The following HYCC1 variants were observed in gnomAD, a reference collection of about 807,000 sequenced individuals.
The protein encoded by HYCC1 is hyccin PI4KA lipid kinase complex subunit 1.
At chr7:22,921,123 G>C in the HYCC1 span, among the ~76,000 whole-genome samples, 8 of 152,134 alleles carry the variant, frequency 5.3e-5, no homozygotes, top group East Asian at 1.4e-3. Context: ...CCAGCCTCAG[G>C]TATTTCTTTA....
chr7:22,962,121 G>C, the HYCC1 span, among the ~76,000 whole-genome samples: 10 of 152,098 alleles, frequency 6.6e-5, no homozygotes, highest in South Asian at 4.1e-4. Flanking sequence ...TCAAAGAGCC[G>C]AGGTAACAAG....
chr7:22,907,827 G>A, the HYCC1 span, among the ~76,000 whole-genome samples: 4 of 152,152 alleles, frequency 2.6e-5, no homozygotes, highest in South Asian at 4.1e-4. Flanking sequence ...CAGGAGAATC[G>A]CTTGAACCCG....
the HYCC1 span, among the ~76,000 whole-genome samples, chr7:23,001,096 A>G: frequency 7.2e-5 from 11 of 152,172 alleles, no homozygotes; most frequent in South Asian, 2.1e-4. Context: ...AAAACACTCA[A>G]TGTGACCAAA....
the HYCC1 span, among the ~76,000 whole-genome samples, chr7:22,957,219 AT>A: frequency 6.6e-6 from 1 of 151,700 alleles, no homozygotes. Context: ...CTGTGTAATA[AT>A]TTTTGGTGAC....
At chr7:23,013,935 G>T in the HYCC1 span, 2 of 469,924 alleles carry the variant, frequency 4.3e-6, no homozygotes, top group Non-Finnish European at 8.8e-6. Flanking sequence ...CAGGGCGGCT[G>T]CCGGAGCTCC....
chr7:22,981,492 T>C, the HYCC1 span, among the ~76,000 whole-genome samples: 2 of 152,158 alleles, frequency 1.3e-5, no homozygotes, highest in Admixed American at 1.3e-4. Flanking sequence ...ACTGTTATAT[T>C]TTAGAAGCAC....
the HYCC1 span, among the ~76,000 whole-genome samples, chr7:23,003,058 C>G: frequency 6.6e-6 from 1 of 152,106 alleles, no homozygotes; most frequent in South Asian, 2.1e-4. Flanking sequence ...AACTTAACTG[C>G]CTCTCTAAAG....
the HYCC1 span, among the ~76,000 whole-genome samples, chr7:22,975,115 T>C: frequency 6.6e-6 from 1 of 152,188 alleles, no homozygotes; most frequent in Admixed American, 6.5e-5. Context: ...TCTAAATAAA[T>C]TCCTCAAATA....
chr7:22,961,190 G>C, the HYCC1 span: 1 of 1,265,356 alleles, frequency 7.9e-7, no homozygotes. Flanking sequence ...TCTAAATTGA[G>C]AAATCTTAAA....
chr7:22,969,793 G>C, the HYCC1 span, among the ~76,000 whole-genome samples: 1 of 152,086 alleles, frequency 6.6e-6, no homozygotes, highest in Non-Finnish European at 1.5e-5. Flanking sequence ...CAAAGTTCTA[G>C]GATTACAGGT....
chr7:22,907,089 A>G, the HYCC1 span, among the ~76,000 whole-genome samples: 133 of 120,614 alleles, frequency 1.1e-3, 1 homozygote, highest in African/African-American at 4.2e-3. Flanking sequence ...TGGGTGACAG[A>G]GTGAGACTCT....
the HYCC1 span, among the ~76,000 whole-genome samples, chr7:22,967,501 AT>A: frequency 6.6e-6 from 1 of 152,236 alleles, no homozygotes; most frequent in African/African-American, 2.4e-5. Flanking sequence ...TGAATATCTT[AT>A]AACCTGCTAG....
At chr7:23,000,505 A>G in the HYCC1 span, among the ~76,000 whole-genome samples, 2 of 152,298 alleles carry the variant, frequency 1.3e-5, no homozygotes, top group African/African-American at 4.8e-5. Flanking sequence ...TGATTTTAAC[A>G]TAAAAATACA....
chr7:22,961,871 G>A, the HYCC1 span, among the ~76,000 whole-genome samples: 1 of 151,932 alleles, frequency 6.6e-6, no homozygotes, highest in Non-Finnish European at 1.5e-5. Context: ...GTGTGTGTGT[G>A]CATGTGTGAG....
chr7:22,916,003 T>G, the HYCC1 span, among the ~76,000 whole-genome samples: 1 of 152,068 alleles, frequency 6.6e-6, no homozygotes, highest in Admixed American at 6.6e-5. Context: ...AATCCACAAG[T>G]ATGGGACACT....
chr7:22,901,574 T>C, the HYCC1 span, among the ~76,000 whole-genome samples: 3 of 152,254 alleles, frequency 2.0e-5, no homozygotes, highest in South Asian at 6.2e-4. Context: ...GTTGAAGCTC[T>C]AGCCCCAACT....
chr7:22,901,849 C>T, the HYCC1 span, among the ~76,000 whole-genome samples: 1 of 152,010 alleles, frequency 6.6e-6, no homozygotes, highest in Non-Finnish European at 1.5e-5. Context: ...TTTTAATATA[C>T]TTCTTTTATC....
chr7:22,990,456 C>T, the HYCC1 span, among the ~76,000 whole-genome samples: 2 of 152,190 alleles, frequency 1.3e-5, no homozygotes, highest in Non-Finnish European at 2.9e-5. Context: ...CTCTTCATTC[C>T]TGTGGTTCAT....
chr7:23,013,400 C>T, the HYCC1 span, among the ~76,000 whole-genome samples: 1 of 152,242 alleles, frequency 6.6e-6, no homozygotes, highest in South Asian at 2.1e-4. Context: ...GGGGGGTCGA[C>T]AGTGACCATT....
Sources: gnomAD v4.1 joint callset for allele counts (sites outside exome capture counted in the v4.1 genomes callset) on GRCh38, gnomAD v4.1.1 for gene constraint, MANE v1.5 for transcripts, NCBI Gene and HGNC (gene_info 2026-07-23, HGNC 2026-07-21) for gene names.